Variants in SKAP2 observed in about 807,000 individuals in gnomAD.
The protein encoded by SKAP2 is src kinase associated phosphoprotein 2.
SKAP2 carries 28 observed loss-of-function variants against 54.9 expected under a neutral mutation model. The observed-to-expected ratio is 0.51, with a 90% CI of 0.38 to 0.70. SKAP2 has a LOEUF of 0.70. Ranked by LOEUF, SKAP2 falls within the 30% of genes least tolerant of loss-of-function variation. SKAP2 has a pLI of 0.00. For missense variants in SKAP2, 356 were observed against 424.1 expected (o/e 0.84, Z 1.41); for synonymous variants, 137 against 134.3 (o/e 1.02, Z -0.14).
chr7:26,819,672 T>C (rs910242218), intron 4 of SKAP2, among the ~76,000 whole-genome samples: 6 of 152,216 alleles, frequency 3.9e-5, no homozygotes, highest in Non-Finnish European at 7.3e-5. Flanking sequence ...AATTTTTCAA[T>C]GCCTTCAGTT....
chr7:26,714,224 G>A (rs1303457383), intron 9 of SKAP2, among the ~76,000 whole-genome samples: 1 of 152,154 alleles, frequency 6.6e-6, no homozygotes, highest in Admixed American at 6.5e-5. Context: ...GATGTGAAAA[G>A]AGGCCCATGC....
chr7:26,726,508 A>G (rs1787712847), intron 7 of SKAP2, among the ~76,000 whole-genome samples: 1 of 152,098 alleles, frequency 6.6e-6, no homozygotes, highest in Admixed American at 6.6e-5. Flanking sequence ...CTCCTAAGCA[A>G]TACAATATGT....
chr7:26,807,740 T>C (rs1784059525), intron 4 of SKAP2, among the ~76,000 whole-genome samples: 3 of 152,214 alleles, frequency 2.0e-5, no homozygotes, highest in Admixed American at 1.3e-4. Flanking sequence ...GTTATCTTAC[T>C]TTTAAAAATT....
At chr7:26,682,015 A>C (rs1477867125) in intron 11 of SKAP2, among the ~76,000 whole-genome samples, 1 of 152,192 alleles carries the variant, frequency 6.6e-6, no homozygotes, top group African/African-American at 2.4e-5. Context: ...CGTAAAAAAA[A>C]ACAGAAAGGT....
intron 4 of SKAP2, among the ~76,000 whole-genome samples, chr7:26,824,265 T>C (rs1784444136): frequency 6.6e-6 from 1 of 152,218 alleles, no homozygotes; most frequent in Non-Finnish European, 1.5e-5. Context: ...CAATAAAGCA[T>C]TTTAAAATTA....
chr7:26,793,883 C>G (rs894448531), intron 4 of SKAP2, among the ~76,000 whole-genome samples: 2 of 152,170 alleles, frequency 1.3e-5, no homozygotes, highest in Non-Finnish European at 1.5e-5. Flanking sequence ...AAGATTCAGG[C>G]TTAAAATACA....
At chr7:26,745,612 T>C (rs372396056) in intron 4 of SKAP2, among the ~76,000 whole-genome samples, 5 of 152,196 alleles carry the variant, frequency 3.3e-5, no homozygotes, top group East Asian at 3.9e-4. Context: ...CCTTCTGGGC[T>C]CAAGCGATCC....
chr7:26,662,172 T>G (rs1020714449), downstream of SKAP2, among the ~76,000 whole-genome samples: 3 of 152,158 alleles, frequency 2.0e-5, no homozygotes, highest in Non-Finnish European at 2.9e-5. Flanking sequence ...TTACCATAAC[T>G]GGTAGCAACT....
chr7:26,686,571 A>T (rs1786645616), intron 10 of SKAP2, among the ~76,000 whole-genome samples: 1 of 152,220 alleles, frequency 6.6e-6, no homozygotes, highest in African/African-American at 2.4e-5. Context: ...AGCTGGCCAG[A>T]TCACTTCAAA....
At chr7:26,734,991 T>C (rs1014927223) in intron 6 of SKAP2, among the ~76,000 whole-genome samples, 2 of 152,200 alleles carry the variant, frequency 1.3e-5, no homozygotes, top group Non-Finnish European at 2.9e-5. Context: ...CTTCCCTAAC[T>C]TCCCTAGGCA....
At chr7:26,676,114 A>G (rs1175382733) in intron 11 of SKAP2, among the ~76,000 whole-genome samples, 1 of 152,206 alleles carries the variant, frequency 6.6e-6, no homozygotes. Flanking sequence ...GCACTTAGGT[A>G]CTTAATATAT....
intron 4 of SKAP2, among the ~76,000 whole-genome samples, chr7:26,830,256 G>C (rs947456986): frequency 1.3e-5 from 2 of 152,160 alleles, no homozygotes; most frequent in African/African-American, 4.8e-5. Flanking sequence ...AGGGTTAGGA[G>C]AAAACTGAGA....
chr7:26,855,060 T>G, intron 1 of SKAP2, 170 bp from the exon 2 acceptor site: 4 of 479,272 alleles, frequency 8.3e-6, no homozygotes, highest in Non-Finnish European at 1.5e-5. Context: ...AAATACTAAG[T>G]TGAACAAATC....
intron 4 of SKAP2, among the ~76,000 whole-genome samples, chr7:26,746,214 G>C (rs986409845): frequency 6.6e-6 from 1 of 152,100 alleles, no homozygotes; most frequent in Non-Finnish European, 1.5e-5. Context: ...AAAAGCCTCT[G>C]TTCCCAGAGC....
chr7:26,762,673 T>C (rs1228600208), intron 4 of SKAP2, among the ~76,000 whole-genome samples: 1 of 151,252 alleles, frequency 6.6e-6, no homozygotes, highest in Non-Finnish European at 1.5e-5. Flanking sequence ...CCATCTCTAC[T>C]AAAAATACAA....
At chr7:26,665,334 A>AACTCAAC (rs1786087104), downstream of SKAP2, among the ~76,000 whole-genome samples, 2 of 152,202 alleles carry the variant, frequency 1.3e-5, no homozygotes, top group Non-Finnish European at 2.9e-5. Context: ...AATGTACCAC[A>AACTCAAC]ACTCAACTTT....
chr7:26,797,306 GC>G (rs1783802743), intron 4 of SKAP2, among the ~76,000 whole-genome samples: 1 of 152,200 alleles, frequency 6.6e-6, no homozygotes, highest in South Asian at 2.1e-4. Context: ...AGTGGTGGCC[GC>G]CACGGGGGTG....
rs555683039 is a variant in SKAP2, at chr7:26,715,609, T to C, written c.796+9819A>G. Among the ~76,000 whole-genome samples the C allele has an allele frequency of 2.6e-5, 4 of 152,174 alleles. No individual in the cohort carries two copies. The South Asian group carries it at 6.2e-4, about 24-fold the overall frequency. ...CTGGCTAACATGGTGAAACCCCGTCTCTACTAAAAATACTAAAATATTGGC... is the reference window on the plus strand; with the variant it reads ...CTGGCTAACATGGTGAAACCCCGTCCCTACTAAAAATACTAAAATATTGGC... On this transcript the variant is annotated intron_variant, in intron 9 of 12. Coordinates refer to ENST00000345317, the MANE Select transcript of SKAP2 (RefSeq NM_003930.5).
chr7:26,863,890 C>T (rs966271544), intron 1 of SKAP2, among the ~76,000 whole-genome samples: 4 of 152,122 alleles, frequency 2.6e-5, no homozygotes, highest in African/African-American at 9.7e-5. Flanking sequence ...ACCCCTAACA[C>T]CTGTGGCTCT....
Sources: gnomAD v4.1 joint callset for allele counts (sites outside exome capture counted in the v4.1 genomes callset) on GRCh38, gnomAD v4.1.1 for gene constraint, MANE v1.5 for transcripts, NCBI Gene and HGNC (gene_info 2026-07-23, HGNC 2026-07-21) for gene names.